The following PRKCB variants were observed in gnomAD, a reference collection of about 807,000 sequenced individuals.
PRKCB encodes the protein protein kinase C beta.
PRKCB carries 13 observed loss-of-function variants against 81.5 expected under a neutral mutation model. The ratio of observed to expected loss-of-function variants is 0.16; its 90% confidence interval spans 0.10 to 0.25. The LOEUF (loss-of-function observed/expected upper bound fraction) is 0.25. PRKCB is among the 10% of genes least tolerant of loss of function. The pLI, the probability that PRKCB is intolerant of heterozygous loss-of-function variation, is 1.00. For synonymous variants in PRKCB, 335 were observed against 321.4 expected (o/e 1.04, Z -0.45); for missense variants, 509 against 875.7 (o/e 0.58, Z 5.29).
intron 7 of PRKCB, among the ~76,000 whole-genome samples, chr16:24,100,289 T>TG (rs1966489514): frequency 6.6e-6 from 1 of 151,076 alleles, no homozygotes; most frequent in South Asian, 2.1e-4. Context: ...GTTCTGTCAG[T>TG]GGGGGGCCTT....
In PRKCB at chr16:23,898,430, G is replaced by A. The variant is rs948378849; in HGVS notation, c.205+61024G>A. Among the ~76,000 whole-genome samples, 12 of 152,096 alleles carry A rather than the reference G, an allele frequency of 7.9e-5. No homozygotes were observed. In the East Asian group the frequency reaches 1.5e-3, roughly 20 times the overall value. Reference sequence around the variant, plus strand: ...TACTGTGCTGGGTTCTCATCCAGTGGCCAGTAAATTAGACAATCCTCCCAT... The same window carrying A: ...TACTGTGCTGGGTTCTCATCCAGTGACCAGTAAATTAGACAATCCTCCCAT... On this transcript the variant is annotated intron_variant, in intron 2 of 16. Transcript: ENST00000643927.
chr16:24,143,670 C>T (rs1384755308), intron 9 of PRKCB, among the ~76,000 whole-genome samples: 1 of 152,186 alleles, frequency 6.6e-6, no homozygotes, highest in Non-Finnish European at 1.5e-5. Flanking sequence ...GCTCACCACA[C>T]CTTACTGTGT....
At chr16:24,142,405 C>G (rs766079400) in intron 9 of PRKCB, among the ~76,000 whole-genome samples, 1 of 152,168 alleles carries the variant, frequency 6.6e-6, no homozygotes, top group Non-Finnish European at 1.5e-5. Context: ...AGGTTTCTCT[C>G]GAAATCCTGC....
chr16:24,005,667 AT>A (rs1439099443), intron 3 of PRKCB, among the ~76,000 whole-genome samples: 9 of 152,204 alleles, frequency 5.9e-5, no homozygotes, highest in Non-Finnish European at 1.5e-5. Flanking sequence ...ACTTCAATTC[AT>A]TTTTGGCCCC....
At chr16:24,097,876 G>A (rs1007642848) in intron 7 of PRKCB, among the ~76,000 whole-genome samples, 5 of 152,212 alleles carry the variant, frequency 3.3e-5, no homozygotes, top group Non-Finnish European at 5.9e-5. Context: ...TACATAAGGA[G>A]TTGTGGAGAC....
At chr16:24,201,961 A>G (rs1413790254) in intron 16 of PRKCB, among the ~76,000 whole-genome samples, 1 of 151,574 alleles carries the variant, frequency 6.6e-6, no homozygotes, top group East Asian at 2.0e-4. Flanking sequence ...GCGTGAACCC[A>G]GGAGGCGGAG....
At chr16:24,132,517 G>C (rs894163745) in intron 9 of PRKCB, among the ~76,000 whole-genome samples, 2 of 152,158 alleles carry the variant, frequency 1.3e-5, no homozygotes, top group Non-Finnish European at 2.9e-5. Flanking sequence ...TTATATTCTA[G>C]TGGTAGTGAT....
At chr16:24,144,444 G>A (rs1179791161) in intron 9 of PRKCB, among the ~76,000 whole-genome samples, 3 of 152,106 alleles carry the variant, frequency 2.0e-5, no homozygotes, top group East Asian at 1.9e-4. Flanking sequence ...GATTACAGGC[G>A]TGTGCTATCA....
intron 2 of PRKCB, among the ~76,000 whole-genome samples, chr16:23,913,159 C>T (rs374667975): frequency 3.3e-5 from 5 of 152,178 alleles, no homozygotes; most frequent in African/African-American, 1.2e-4. Flanking sequence ...GGGAGGCCAT[C>T]TTCCATCCAG....
chr16:23,993,002 C>T (rs1174932939), intron 3 of PRKCB, among the ~76,000 whole-genome samples: 1 of 152,128 alleles, frequency 6.6e-6, no homozygotes, highest in Non-Finnish European at 1.5e-5. Flanking sequence ...ACTAACCCTG[C>T]ATTGCCCTAA....
chr16:24,062,126 G>C (rs1965982275), intron 5 of PRKCB, among the ~76,000 whole-genome samples: 1 of 152,162 alleles, frequency 6.6e-6, no homozygotes, highest in Non-Finnish European at 1.5e-5. Flanking sequence ...CATTTGCTGT[G>C]TAACAAATTG....
Position 23,836,087 on chromosome 16 carries a change from C to T in PRKCB, c.-89C>T, listed in dbSNP as rs932555926. 1 of 958,984 alleles carries T rather than the reference C, an allele frequency of 1.0e-6. No individual in the cohort carries two copies. Among genetic ancestry groups the T allele is most frequent in the Non-Finnish European group, 1.3e-6 (1 of 798,964 alleles). The allele number at this position is 958,984 out of a possible 1,614,324, so 59.4% of individuals were successfully genotyped here. On this transcript the variant is annotated 5_prime_UTR_variant, in exon 1 of 17. Transcript: ENST00000643927. The stretch of plus-strand genomic sequence containing the variant: ...CCGCGGCCCCGGGTGCAGCAGCGGC[C>T]GCCGCCTCCCGCGCCTCCCCGGCCC...
chr16:23,937,676 T>A (rs1964081401), intron 2 of PRKCB, among the ~76,000 whole-genome samples: 1 of 152,226 alleles, frequency 6.6e-6, no homozygotes. Context: ...AACAGCTTTG[T>A]CTATCTTCCA....
Position 24,217,685 on chromosome 16 carries a change from G to A in PRKCB, c.*2869G>A. On this transcript the variant is annotated 3_prime_UTR_variant, in exon 17 of 17. Coordinates refer to ENST00000643927, the MANE Select transcript of PRKCB (RefSeq NM_002738.7). ...AACAAACGGGGCAGGGCTTTCCAAG[G>A]TGGGGCTGGTCAGAAGGGAATCTTT... The A allele has an allele frequency of 1.0e-6, 1 of 985,564 alleles. No individual in the cohort carries two copies. The highest frequency in any genetic ancestry group is 1.2e-6 in the Non-Finnish European group (1 of 830,062). 61.1% of individuals were successfully genotyped at this position (985,564 alleles called of 1,614,324 possible).
At chr16:24,178,962 G>C (rs1265163883) in intron 12 of PRKCB, among the ~76,000 whole-genome samples, 1 of 152,222 alleles carries the variant, frequency 6.6e-6, no homozygotes, top group Non-Finnish European at 1.5e-5. Context: ...AGAGGCTCAA[G>C]TGACGTTATG....
chr16:24,060,220 A>G (rs1965955692), intron 5 of PRKCB, among the ~76,000 whole-genome samples: 1 of 152,130 alleles, frequency 6.6e-6, no homozygotes, highest in South Asian at 2.1e-4. Flanking sequence ...GGGCAAGTTA[A>G]TGAAGCCCCA....
chr16:24,095,707 AATAT>A (rs1480979986), intron 7 of PRKCB, among the ~76,000 whole-genome samples: 1 of 152,082 alleles, frequency 6.6e-6, no homozygotes. Context: ...CATAATTTAA[AATAT>A]ACAACAAATT....
intron 2 of PRKCB, among the ~76,000 whole-genome samples, chr16:23,933,278 A>G (rs933356257): frequency 2.6e-5 from 4 of 152,206 alleles, no homozygotes; most frequent in Non-Finnish European, 5.9e-5. Context: ...CATTATGACT[A>G]TGAACAGGTG....
chr16:24,185,393 G>A, intron 14 of PRKCB, 67 bp from the exon 15 acceptor site: 1 of 1,459,288 alleles, frequency 6.9e-7, no homozygotes, highest in East Asian at 2.3e-5. Flanking sequence ...GGGTCTGCCA[G>A]TTGAGGGGAG....
Sources: gnomAD v4.1 joint callset for allele counts (sites outside exome capture counted in the v4.1 genomes callset) on GRCh38, gnomAD v4.1.1 for gene constraint, MANE v1.5 for transcripts, NCBI Gene and HGNC (gene_info 2026-07-23, HGNC 2026-07-21) for gene names.